The following GAA variants were observed in gnomAD, a reference collection of about 807,000 sequenced individuals.
The protein encoded by GAA is alpha glucosidase, also known as lysosomal alpha-glucosidase.
Under a neutral mutation model 103.9 loss-of-function variants are expected in GAA, and 88 were observed. The ratio of observed to expected loss-of-function variants is 0.85; its 90% CI spans 0.71 to 1.01. GAA has a LOEUF of 1.01. Among genes scored for constraint, GAA ranks in the 50% least tolerant of loss-of-function variants. The pLI, the probability that GAA is intolerant of heterozygous loss-of-function variation, is 0.00. For missense variants in GAA, 1,350 were observed against 1,305.3 expected (o/e 1.03, Z -0.53); for synonymous variants, 572 against 563.1 (o/e 1.02, Z -0.22).
At chr17:80,107,456 C>G in intron 3 of GAA, 101 bp from the exon 4 acceptor site, 1 of 1,510,466 alleles carries the variant, frequency 6.6e-7, no homozygotes, top group Non-Finnish European at 9.1e-7. Context: ...CAGGCCACTC[C>G]GCCCTCCCAG....
chr17:80,112,945 C>A lies in GAA; in HGVS notation c.1958C>A (p.Thr653Asn), dbSNP rs763456921. 5.6e-6 allele frequency: 9 copies of A among 1,610,626 alleles called. No homozygotes were observed. In the East Asian group the frequency reaches 1.8e-4, roughly 32 times the overall value. The change falls in exon 14 of 20, where the codon ACC (threonine) becomes AAC (asparagine). Residue 653 changes from threonine to asparagine, a missense_variant. Transcript: ENST00000302262. ...GACGTCTGCGGCTTCCTGGGCAACACCTCAGAGGAGCTGTGTGTGCGCTGG... is the reference window on the plus strand; with the variant it reads ...GACGTCTGCGGCTTCCTGGGCAACAACTCAGAGGAGCTGTGTGTGCGCTGG... ...GADVCGFLGNTSEELCVRWTQ... is the reference protein window; with the variant it reads ...GADVCGFLGNNSEELCVRWTQ...
Position 80,107,862 on chromosome 17 carries a change from A to T in GAA, c.921A>T (p.Ala307=), listed in dbSNP as rs1800303. The T allele has an allele frequency of 0.071, 114,287 of 1,611,428 alleles. 5,472 individuals are homozygous for T. The highest frequency in any genetic ancestry group is 0.23 in the African/African-American group (17,510 of 74,954). The part of the protein sequence containing the change: ...FYLALEDGGS[A]HGVFLLNSNA... Reference sequence around the variant, plus strand: ...TGGCGCTGGAGGACGGCGGGTCGGCACACGGGGTGTTCCTGCTAAACAGCA... The same window carrying T: ...TGGCGCTGGAGGACGGCGGGTCGGCTCACGGGGTGTTCCTGCTAAACAGCA... Residue 307 remains alanine (A), a synonymous_variant, in exon 5 of 20, where the codon GCA becomes GCT. Coordinates refer to ENST00000302262, the MANE Select transcript of GAA (RefSeq NM_000152.5).
In GAA at chr17:80,118,218, C is replaced by T; in HGVS notation, c.2507C>T (p.Ser836Phe). The change falls in exon 18 of 20, where the codon TCC (serine) becomes TTC (phenylalanine). Residue 836 changes from serine (S) to phenylalanine (F), a missense_variant. Ser to Phe is a radical substitution (Grantham distance 155, BLOSUM62 -2). Transcript: ENST00000302262. ...GGCCCTGGCCTCACAACCACAGAGT[C>T]CCGCCAGCAGCCCATGGCCCTGGCT... ...LQGPGLTTTE[S>F]RQQPMALAVA... 1.2e-6 allele frequency: 2 copies of T among 1,613,178 alleles called. No homozygotes were observed. The highest frequency in any genetic ancestry group is 1.7e-6 in the Non-Finnish European group (2 of 1,179,852).
At chr17:80,118,505 G>A in intron 18 of GAA, 148 bp downstream of exon 18, 1 of 1,365,940 alleles carries the variant, frequency 7.3e-7, no homozygotes, top group Non-Finnish European at 1.0e-6. Flanking sequence ...TGAGCAGTGG[G>A]GCCGTGCACT....
At position 80,112,992 on chromosome 17, in the gene GAA, C is replaced by T. The variant is rs752507985; in HGVS notation, c.2005C>T (p.Pro669Ser). 6.2e-7 allele frequency: 1 copy of T among 1,611,090 alleles called. No individual in the cohort carries two copies. Among genetic ancestry groups the T allele is most frequent in the Non-Finnish European group, 8.5e-7 (1 of 1,179,274 alleles). ...VRWTQLGAFY[P>S]FMRNHNSLLS... is the part of the protein sequence containing the mutation. ...CTGGACCCAGCTGGGGGCCTTCTAC[C>T]CCTTCATGCGGAACCACAACAGCCT... is the stretch of plus-strand genomic sequence containing the variant. Residue 669 changes from proline to serine, a missense_variant, in exon 14 of 20, where the codon CCC becomes TCC. Coordinates refer to ENST00000302262, the MANE Select transcript of GAA (RefSeq NM_000152.5).
chr17:80,119,040 C>T (rs576975155), intron 19 of GAA, among the ~76,000 whole-genome samples: 1 of 152,338 alleles, frequency 6.6e-6, no homozygotes, highest in South Asian at 2.1e-4. Context: ...GTTGAAGCAG[C>T]ACCGCGTTTC....
rs2039371081 is a variant in GAA at position 80,117,113 on chromosome 17, A to C, written c.2331+4A>C. 1.2e-6 allele frequency: 2 copies of C among 1,612,354 alleles called. No individual in the cohort carries two copies. Among genetic ancestry groups the C allele is most frequent in the African/African-American group, 1.3e-5 (1 of 75,042 alleles). On this transcript the variant is annotated splice_donor_region_variant and intron_variant, in intron 16 of 19. Coordinates refer to ENST00000302262, the MANE Select transcript of GAA (RefSeq NM_000152.5). ...CACATGGTACGACCTGCAGACGGTG[A>C]GTCTGGGGACCCTAAGCCCTGGGGA...
At chr17:80,112,450 C>T (rs1042401326) in intron 12 of GAA, 128 bp from the exon 13 acceptor site, 19 of 1,200,500 alleles carry the variant, frequency 1.6e-5, no homozygotes, top group Middle Eastern at 2.6e-4. Context: ...GCAGTAGCCT[C>T]GCCGTCCTCC....
intron 3 of GAA, among the ~76,000 whole-genome samples, chr17:80,106,518 G>A (rs545639555): frequency 3.0e-4 from 45 of 152,136 alleles, no homozygotes; most frequent in Non-Finnish European, 5.9e-4. Context: ...GTGCAGGAGT[G>A]GGGGGTGGGG....
At position 80,118,657 on chromosome 17, in the gene GAA, C is replaced by T. The variant is rs759144318; in HGVS notation, c.2651C>T (p.Thr884Met). The change falls in exon 19 of 20, where the codon ACG becomes ATG. Residue 884 changes from threonine (T) to methionine (M), a missense_variant. By Grantham distance (81) the Thr-to-Met change is moderately conservative. Transcript: ENST00000302262. Reference sequence around the variant, plus strand: ...ATCTCTCTCTGCTCGGCCCAGAACACGATCGTGAATGAGCTGGTACGTGTG... The same window carrying T: ...ATCTCTCTCTGCTCGGCCCAGAACATGATCGTGAATGAGCTGGTACGTGTG... ...TQVIFLARNN[T>M]IVNELVRVTS... is the part of the protein sequence containing the mutation. The T allele has an allele frequency of 5.0e-6, 8 of 1,612,280 alleles. No homozygotes were observed. Among genetic ancestry groups the T allele is most frequent in the African/African-American group, 1.3e-5 (1 of 75,056 alleles).
intron 19 of GAA, 104 bp from the exon 20 acceptor site, chr17:80,119,168 G>C (rs1008263414): frequency 8.6e-7 from 1 of 1,167,254 alleles, no homozygotes; most frequent in Non-Finnish European, 1.3e-6. Flanking sequence ...GCCGGGCCTC[G>C]CTGCTGCTGG....
intron 18 of GAA, 106 bp downstream of exon 18, chr17:80,118,463 G>A (rs2039409604): frequency 6.8e-7 from 1 of 1,472,966 alleles, no homozygotes; most frequent in South Asian, 1.2e-5. Context: ...CTGCCACTAG[G>A]ACACTCTAGC....
rs772883420 is a variant in GAA at position 80,110,730 on chromosome 17, T to A, written c.1441T>A (p.Trp481Arg). 3 of 1,613,746 alleles carry A rather than the reference T, an allele frequency of 1.9e-6. No individual in the cohort carries two copies. The highest frequency in any genetic ancestry group is 2.7e-5 in the African/African-American group (2 of 74,930). ...ETGQPLIGKV[W>R]PGSTAFPDFT... Reference sequence around the variant, plus strand: ...ACTGCAGCCTCTCGTTGTCCAGGTATGGCCCGGGTCCACTGCCTTCCCCGA... The same window carrying A: ...ACTGCAGCCTCTCGTTGTCCAGGTAAGGCCCGGGTCCACTGCCTTCCCCGA... Residue 481 changes from tryptophan to arginine, a missense_variant, in exon 10 of 20, where the codon TGG (tryptophan) becomes AGG (arginine). Physicochemically the swap from Trp to Arg is moderately radical, Grantham distance 101. Transcript: ENST00000302262.
rs372331052 is a variant in GAA, at chr17:80,107,729, C to CA, written c.858+7_858+8insA. On this transcript the variant is annotated splice_region_variant and intron_variant, in intron 4 of 19. Coordinates refer to ENST00000302262, the MANE Select transcript of GAA (RefSeq NM_000152.5). ...CCGGGACCTTGCGCCCACGGTACAG[C>CA]GGCGGGCGGCGGGCGGGGGCACTGA... The CA allele has an allele frequency of 1.1e-5, 18 of 1,606,872 alleles. No homozygotes were observed. The Admixed American group carries it at 1.3e-4, about 12-fold the overall frequency.
At chr17:80,102,803 C>G (rs1011310414) in intron 1 of GAA, 2 of 152,194 alleles carry the variant, frequency 1.3e-5, no homozygotes, top group African/African-American at 4.8e-5. Context: ...ACTAGTTGAT[C>G]GAAAGTACAA....
intron 17 of GAA, among the ~76,000 whole-genome samples, 174 bp downstream of exon 17, chr17:80,117,923 C>T (rs2039393615): frequency 6.6e-6 from 1 of 152,148 alleles, no homozygotes; most frequent in African/African-American, 2.4e-5. Context: ...CACAGCCCCA[C>T]AAAGGCGTGG....
At chr17:80,113,056 G>A (rs1440750152) in intron 14 of GAA, 29 bp downstream of exon 14, 2 of 1,593,468 alleles carry the variant, frequency 1.3e-6, no homozygotes, top group African/African-American at 2.7e-5. Flanking sequence ...CATGGCAGGT[G>A]GGCGATCCCA....
rs1417553713 is a variant in GAA at position 80,113,482 on chromosome 17, C to T, written c.2189+116C>T. 6.2e-6 allele frequency: 6 copies of T among 972,182 alleles called. 1 individual carries two copies. The South Asian group carries it at 1.1e-4, about 18-fold the overall frequency. The allele number at this position is 972,182 out of a possible 1,614,324, so 60.2% of individuals were successfully genotyped here. On this transcript the variant is annotated intron_variant, in intron 15 of 19. Transcript: ENST00000302262. The stretch of plus-strand genomic sequence containing the variant: ...TTCCCCAGGACCCAGCAGGTTGCCG[C>T]TGAGTGAGACAACATTTGGGCCTGG...
At chr17:80,105,695 C>A in intron 2 of GAA, 54 bp from the exon 3 acceptor site, 1 of 1,603,178 alleles carries the variant, frequency 6.2e-7, no homozygotes. Context: ...GCGGGTTGTT[C>A]TCTGGAGAGT....
Sources: gnomAD v4.1 joint callset for allele counts (sites outside exome capture counted in the v4.1 genomes callset) on GRCh38, gnomAD v4.1.1 for gene constraint, MANE v1.5 for transcripts, NCBI Gene and HGNC (gene_info 2026-07-23, HGNC 2026-07-21) for gene names.